The following GPR158 variants were observed in gnomAD, a reference collection of about 807,000 sequenced individuals.
GPR158 encodes the protein metabotropic glycine receptor.
GPR158 carries 30 observed loss-of-function variants against 78.2 expected under a neutral mutation model. The ratio of observed to expected loss-of-function variants is 0.38; its 90% CI spans 0.29 to 0.52. The LOEUF is 0.52. Ranked by LOEUF, GPR158 falls within the 20% of genes least tolerant of loss-of-function variation. GPR158 has a pLI of 0.83. For missense variants in GPR158, 1,463 were observed against 1,523.5 expected, an observed-to-expected ratio of 0.96 and a Z score of 0.66; for synonymous variants, 581 against 591.1, an observed-to-expected ratio of 0.98 and a Z score of 0.25.
intron 10 of GPR158, 133 bp downstream of exon 10, chr10:25,596,922 A>T: frequency 2.8e-6 from 2 of 726,586 alleles, no homozygotes; most frequent in Non-Finnish European, 4.6e-6. Context: ...GAAAGAGGGA[A>T]TGTGTTTGGG....
intron 4 of GPR158, among the ~76,000 whole-genome samples, chr10:25,434,662 A>G (rs1036600572): frequency 6.6e-6 from 1 of 152,208 alleles, no homozygotes; most frequent in African/African-American, 2.4e-5. Context: ...AATATAAGGA[A>G]ATATATATAA....
intron 1 of GPR158, among the ~76,000 whole-genome samples, chr10:25,186,428 C>G (rs1182721795): frequency 1.3e-5 from 2 of 152,070 alleles, no homozygotes; most frequent in Non-Finnish European, 2.9e-5. Context: ...ATCAGTGAAT[C>G]CAGGAGCTGT....
chr10:25,346,041 T>C lies in GPR158; in HGVS notation c.1009-49870T>C, dbSNP rs181199672. ...ACTAATTTAAATATATAATATCATATCTAGACCTCAAGCCTGGAGCTGAGC... is the reference window on the plus strand; with the variant it reads ...ACTAATTTAAATATATAATATCATACCTAGACCTCAAGCCTGGAGCTGAGC... On this transcript the variant is annotated intron_variant, in intron 2 of 10. Transcript: ENST00000376351. 1.5e-3 allele frequency among the ~76,000 whole-genome samples: 224 copies of C among 152,046 alleles called. 2 individuals are homozygous for C. The highest frequency in any genetic ancestry group is 0.013 in the South Asian group (64 of 4,822).
intron 2 of GPR158, among the ~76,000 whole-genome samples, chr10:25,340,302 C>T (rs1159202139): frequency 1.3e-5 from 2 of 151,942 alleles, no homozygotes; most frequent in Admixed American, 1.3e-4. Context: ...AAGATATACC[C>T]GTTAAAGGCC....
chr10:25,333,176 T>A (rs1437043028), intron 2 of GPR158, among the ~76,000 whole-genome samples: 2 of 152,162 alleles, frequency 1.3e-5, no homozygotes, highest in African/African-American at 2.4e-5. Context: ...TTCGTATGAC[T>A]TTTTCATTTC....
chr10:25,265,420 G>C (rs1231075490), intron 2 of GPR158, among the ~76,000 whole-genome samples: 1 of 152,200 alleles, frequency 6.6e-6, no homozygotes, highest in East Asian at 1.9e-4. Flanking sequence ...ATGTACAGCA[G>C]AGTTCCCTAT....
intron 7 of GPR158, among the ~76,000 whole-genome samples, chr10:25,587,459 A>G (rs7914813): frequency 0.36 from 54,168 of 152,122 alleles, 9,789 homozygotes; most frequent in East Asian, 0.49. Flanking sequence ...GAGAATTAAT[A>G]CATCTGAGAA....
intron 4 of GPR158, among the ~76,000 whole-genome samples, chr10:25,445,715 A>T (rs1173439229): frequency 6.6e-6 from 1 of 152,050 alleles, no homozygotes; most frequent in Non-Finnish European, 1.5e-5. Context: ...AAATGCCATG[A>T]TATTGGTAGT....
At chr10:25,258,190 C>T (rs1456134133) in intron 2 of GPR158, among the ~76,000 whole-genome samples, 1 of 152,154 alleles carries the variant, frequency 6.6e-6, no homozygotes, top group Non-Finnish European at 1.5e-5. Flanking sequence ...TAAGTGTAAG[C>T]AACTGCTTAT....
intron 4 of GPR158, among the ~76,000 whole-genome samples, chr10:25,464,604 G>C (rs1164779932): frequency 6.6e-6 from 1 of 152,164 alleles, no homozygotes; most frequent in Non-Finnish European, 1.5e-5. Flanking sequence ...GACCATTGAA[G>C]TTCCAGGTGG....
chr10:25,371,649 C>A (rs1833995191), intron 2 of GPR158, among the ~76,000 whole-genome samples: 1 of 136,384 alleles, frequency 7.3e-6, no homozygotes. Flanking sequence ...AACTGGCTAG[C>A]CATATGGAGA....
chr10:25,194,614 T>C (rs1018024250), intron 1 of GPR158, among the ~76,000 whole-genome samples: 1 of 152,116 alleles, frequency 6.6e-6, no homozygotes, highest in Admixed American at 6.6e-5. Flanking sequence ...AGGCCAATTC[T>C]GCATGACAGG....
chr10:25,336,956 C>T (rs2130499746), intron 2 of GPR158, among the ~76,000 whole-genome samples: 1 of 152,132 alleles, frequency 6.6e-6, no homozygotes, highest in East Asian at 1.9e-4. Context: ...TTATATTACT[C>T]ATTGTATATT....
intron 5 of GPR158, among the ~76,000 whole-genome samples, chr10:25,476,169 A>G (rs1466883944): frequency 6.6e-6 from 1 of 152,170 alleles, no homozygotes; most frequent in Non-Finnish European, 1.5e-5. Flanking sequence ...AAGTCTGTAC[A>G]TTTGTGAACG....
In GPR158 at chr10:25,402,099, G is replaced by A. The variant is rs1268826119; in HGVS notation, c.1111+6086G>A. Among the ~76,000 whole-genome samples, 4 of 152,104 alleles carry A rather than the reference G, an allele frequency of 2.6e-5. No individual in the cohort carries two copies. In the South Asian group the frequency reaches 6.2e-4, roughly 24 times the overall value. On this transcript the variant is annotated intron_variant, in intron 3 of 10. Coordinates refer to ENST00000376351, the MANE Select transcript of GPR158 (RefSeq NM_020752.3). ...TCAAAGTAGCATCATCAATTATTGGGACAAACTGACTCTTTGTGCCTCCTG... is the reference window on the plus strand; with the variant it reads ...TCAAAGTAGCATCATCAATTATTGGAACAAACTGACTCTTTGTGCCTCCTG...
At chr10:25,191,802 G>T (rs7067758) in intron 1 of GPR158, among the ~76,000 whole-genome samples, 3,126 of 152,258 alleles carry the variant, frequency 0.021, 45 homozygotes, top group Admixed American at 0.033. Context: ...GGGGCTCACA[G>T]GTTCTGAGCC....
intron 5 of GPR158, among the ~76,000 whole-genome samples, chr10:25,483,561 C>CTTAT (rs924056269): frequency 6.6e-6 from 1 of 151,960 alleles, no homozygotes; most frequent in Non-Finnish European, 1.5e-5. Flanking sequence ...CTTACACGTA[C>CTTAT]TTATTTATTT....
intron 4 of GPR158, among the ~76,000 whole-genome samples, chr10:25,428,293 A>T (rs1301091333): frequency 6.6e-6 from 1 of 151,984 alleles, no homozygotes; most frequent in African/African-American, 2.4e-5. Context: ...GCTGATATTC[A>T]TTTTCTTTAA....
At chr10:25,521,283 G>A (rs1836268783) in intron 5 of GPR158, among the ~76,000 whole-genome samples, 1 of 152,186 alleles carries the variant, frequency 6.6e-6, no homozygotes, top group Non-Finnish European at 1.5e-5. Flanking sequence ...CTAGTGAGAT[G>A]AACCCGGTAC....
Sources: allele counts gnomAD v4.1 joint callset (sites outside exome capture counted in the v4.1 genomes callset), GRCh38; gene constraint gnomAD v4.1.1; transcripts MANE v1.5; gene names NCBI Gene and HGNC (gene_info 2026-07-23, HGNC 2026-07-21).